Variants in PCDHGB5 observed in about 807,000 individuals in gnomAD.
The protein encoded by PCDHGB5 is protocadherin gamma subfamily B, 5.
In PCDHGB5, 48 loss-of-function variants were observed where a neutral mutation model predicts 62.9. The observed-to-expected ratio is 0.76, with a 90% CI of 0.61 to 0.97. The LOEUF is 0.97. Ranked by LOEUF, PCDHGB5 falls within the 50% of genes least tolerant of loss-of-function variation. The probability of loss-of-function intolerance (pLI) is 0.00; values close to 1 mark genes in which losing one functional copy is unlikely to be tolerated. For synonymous variants in PCDHGB5, 474 were observed against 511.2 expected, an observed-to-expected ratio of 0.93 and a Z score of 0.98; for missense variants, 1,118 against 1,198.6, an observed-to-expected ratio of 0.93 and a Z score of 0.99.
intron 1 of PCDHGB5, among the ~76,000 whole-genome samples, chr5:141,439,689 A>G (rs1193986599): frequency 6.6e-6 from 1 of 152,218 alleles, no homozygotes; most frequent in Non-Finnish European, 1.5e-5. Flanking sequence ...CAGACCCACA[A>G]CATTCCTATT....
At position 141,512,765 on chromosome 5, in the gene PCDHGB5, G is replaced by C. The variant is rs988707269; in HGVS notation, c.*1592G>C. 1 of 152,668 alleles carries C rather than the reference G, an allele frequency of 6.6e-6. No individual in the cohort carries two copies. The highest frequency in any genetic ancestry group is 1.5e-5 in the Non-Finnish European group (1 of 68,460). The allele number at this position is 152,668 out of a possible 1,614,324, so 9.5% of individuals were successfully genotyped here. On this transcript the variant is annotated 3_prime_UTR_variant, in exon 4 of 4. Transcript: ENST00000617380. ...CCGCGCAGCCGTCTGTCCTTGATCT[G>C]CCCGCGGCGGCCCGTGTTGTGTTTT...
intron 1 of PCDHGB5, chr5:141,403,018 G>A (rs752656852): frequency 9.3e-6 from 15 of 1,613,966 alleles, no homozygotes; most frequent in South Asian, 1.1e-5. Context: ...TCCTGGGGAT[G>A]CTATGGGAGG....
Position 141,431,872 on chromosome 5 carries a change from A to G in PCDHGB5, c.2397+31348A>G, listed in dbSNP as rs2097425104. 5 of 1,614,222 alleles carry G rather than the reference A, an allele frequency of 3.1e-6. No individual in the cohort carries two copies. The highest frequency in any genetic ancestry group is 4.2e-6 in the Non-Finnish European group (5 of 1,180,002). ...GGACATTAATTGCCCTTTTAAATGT[A>G]AATGACCAAGATTCTGAGGAAAACG... On this transcript the variant is annotated intron_variant, in intron 1 of 3. Transcript: ENST00000617380. The surrounding 1 kb of genome is among the most constrained non-coding windows in gnomAD (Gnocchi z 4.8).
At position 141,408,836 on chromosome 5, in the gene PCDHGB5, T is replaced by C. The variant is rs772595834; in HGVS notation, c.2397+8312T>C. The C allele has an allele frequency of 5.0e-6, 8 of 1,613,680 alleles. No individual in the cohort carries two copies. In the South Asian group the frequency reaches 6.6e-5, roughly 13 times the overall value. ...AGAACAGAGATCTCATAGCTTGATA[T>C]TGACTGCCTTGGACGGAGGGGACCC... On this transcript the variant is annotated intron_variant, in intron 1 of 3. Transcript: ENST00000617380.
chr5:141,500,645 A>C (rs2099801792), intron 2 of PCDHGB5, among the ~76,000 whole-genome samples: 1 of 152,228 alleles, frequency 6.6e-6, no homozygotes, highest in African/African-American at 2.4e-5. Flanking sequence ...GTTTTTTAAA[A>C]ATAGCAACTG....
At chr5:141,473,779 T>C (rs2099328680) in intron 1 of PCDHGB5, among the ~76,000 whole-genome samples, 1 of 152,204 alleles carries the variant, frequency 6.6e-6, no homozygotes, top group Non-Finnish European at 1.5e-5. Context: ...GGTATTTTAA[T>C]TCAAGAGCAG....
At chr5:141,420,222 TG>T in intron 1 of PCDHGB5, 1 of 1,604,490 alleles carries the variant, frequency 6.2e-7, no homozygotes, top group East Asian at 2.2e-5. Flanking sequence ...AGCATGCTAC[TG>T]GCTAGCATTT....
chr5:141,405,770 G>A (rs989163026), intron 1 of PCDHGB5, among the ~76,000 whole-genome samples: 9 of 152,030 alleles, frequency 5.9e-5, no homozygotes, highest in South Asian at 4.2e-4. Flanking sequence ...GAGCCACTGC[G>A]CCTGGCCCTT....
chr5:141,425,812 G>GA (rs574320012), intron 1 of PCDHGB5, among the ~76,000 whole-genome samples: 9 of 152,054 alleles, frequency 5.9e-5, no homozygotes, highest in South Asian at 4.1e-4. Flanking sequence ...CTTCTGCTTA[G>GA]AAAAAAACAA....
chr5:141,435,194 C>G (rs538114313), intron 1 of PCDHGB5, among the ~76,000 whole-genome samples: 85 of 152,214 alleles, frequency 5.6e-4, no homozygotes, highest in Middle Eastern at 6.8e-3. Flanking sequence ...AGATGGCTAG[C>G]AAATTCATAA....
At chr5:141,478,423 C>A (rs1355847104) in intron 1 of PCDHGB5, 1 of 1,613,672 alleles carries the variant, frequency 6.2e-7, no homozygotes, top group Admixed American at 1.7e-5. Context: ...CCCGCCGCAG[C>A]GACCCGCTGC....
intron 1 of PCDHGB5, among the ~76,000 whole-genome samples, chr5:141,438,629 TATATATAC>T (rs1474630940): frequency 0.043 from 2,039 of 47,824 alleles, 19 homozygotes; most frequent in South Asian, 0.061. Flanking sequence ...TATATATATA[TATATATAC>T]ACACACACAC....
chr5:141,450,675 CG>C (rs2098689980), intron 1 of PCDHGB5, among the ~76,000 whole-genome samples: 1 of 151,614 alleles, frequency 6.6e-6, no homozygotes, highest in Non-Finnish European at 1.5e-5. Flanking sequence ...TTAGTAGAAA[CG>C]GGGTTTTGCC....
rs1036281905 is a variant in PCDHGB5 at position 141,493,555 on chromosome 5, T to A, written c.2398-1252T>A. Among the ~76,000 whole-genome samples, 3 of 152,012 alleles carry A rather than the reference T, an allele frequency of 2.0e-5. No individual in the cohort carries two copies. ...GCCAGTTATCCTTTTGGAGATTGAG[T>A]TCCCCCAGCTCCGTTTCCTCCTATC... On this transcript the variant is annotated intron_variant, in intron 1 of 3. Transcript: ENST00000617380. The surrounding 1 kb of genome is among the most constrained non-coding windows in gnomAD (Gnocchi z 4.3).
intron 1 of PCDHGB5, chr5:141,422,052 C>T: frequency 6.2e-7 from 1 of 1,611,298 alleles, no homozygotes; most frequent in Non-Finnish European, 8.5e-7. Flanking sequence ...AGGGAATCAA[C>T]GGGGAAGTAA....
intron 1 of PCDHGB5, chr5:141,414,754 G>A: frequency 6.2e-7 from 1 of 1,614,190 alleles, no homozygotes; most frequent in Non-Finnish European, 8.5e-7. Flanking sequence ...CTTCGACTAT[G>A]AGCAGTTTCA....
rs781267293 is a variant in PCDHGB5 at position 141,489,926 on chromosome 5, C to T, written c.2398-4881C>T. 1.2e-6 allele frequency: 2 copies of T among 1,614,222 alleles called. No individual in the cohort carries two copies. The highest frequency in any genetic ancestry group is 2.2e-5 in the East Asian group (1 of 44,878). On this transcript the variant is annotated intron_variant, in intron 1 of 3. Coordinates refer to ENST00000617380, the MANE Select transcript of PCDHGB5 (RefSeq NM_018925.3). The surrounding 1 kb of genome is among the most constrained non-coding windows in gnomAD (Gnocchi z 4.5). Reference sequence around the variant, plus strand: ...GCCCGCTCAGGGACCACCCTTATCTCTGTCATCGTGCTGGACATCAATGAT... The same window carrying T: ...GCCCGCTCAGGGACCACCCTTATCTTTGTCATCGTGCTGGACATCAATGAT...
In PCDHGB5 at chr5:141,476,501, A is replaced by G; in HGVS notation, c.2398-18306A>G. 1.2e-6 allele frequency: 2 copies of G among 1,614,026 alleles called. No homozygotes were observed. Among genetic ancestry groups the G allele is most frequent in the Non-Finnish European group, 1.7e-6 (2 of 1,180,006 alleles). On this transcript the variant is annotated intron_variant, in intron 1 of 3. Coordinates refer to ENST00000617380, the MANE Select transcript of PCDHGB5 (RefSeq NM_018925.3). The surrounding 1 kb of genome is among the most constrained non-coding windows in gnomAD (Gnocchi z 7.6). ...CGTGGAAGTGGTGATCCAGGACATCAACGACAACAATCCTGCTTTCCCTAC... is the reference window on the plus strand; with the variant it reads ...CGTGGAAGTGGTGATCCAGGACATCGACGACAACAATCCTGCTTTCCCTAC...
chr5:141,478,148 C>T lies in PCDHGB5; in HGVS notation c.2398-16659C>T, dbSNP rs752958567. ...CTCTCCTGAAGCCCGAGCCGAGTTC[C>T]CCTCTGGCTCTGCCCCCCGGGAGCA... On this transcript the variant is annotated intron_variant, in intron 1 of 3. Coordinates refer to ENST00000617380, the MANE Select transcript of PCDHGB5 (RefSeq NM_018925.3). 3.1e-6 allele frequency: 5 copies of T among 1,613,948 alleles called. No homozygotes were observed. The highest frequency in any genetic ancestry group is 1.6e-4 in the Middle Eastern group (1 of 6,082).
Sources: allele counts gnomAD v4.1 joint callset (sites outside exome capture counted in the v4.1 genomes callset), GRCh38; gene constraint gnomAD v4.1.1; non-coding constraint Gnocchi (gnomAD v3.1); transcripts MANE v1.5; gene names NCBI Gene and HGNC (gene_info 2026-07-23, HGNC 2026-07-21).